Variants in CLEC16A observed in about 807,000 individuals in gnomAD.
CLEC16A encodes C-type lectin domain containing 16A.
CLEC16A carries 51 observed loss-of-function variants against 109.5 expected under a neutral mutation model. The ratio of observed to expected loss-of-function variants is 0.47; its 90% CI spans 0.37 to 0.59. CLEC16A has a LOEUF of 0.59. Ranked by LOEUF, CLEC16A falls within the 20% of genes least tolerant of loss-of-function variation. The pLI, the probability that CLEC16A is intolerant of heterozygous loss-of-function variation, is 0.00. For synonymous variants in CLEC16A, 673 were observed against 564.2 expected (o/e 1.19, Z -2.73); for missense variants, 1,339 against 1,394.0 (o/e 0.96, Z 0.63).
At chr16:11,096,309 C>G (rs991482881) in intron 19 of CLEC16A, among the ~76,000 whole-genome samples, 1 of 152,014 alleles carries the variant, frequency 6.6e-6, no homozygotes, top group Admixed American at 6.5e-5. Flanking sequence ...GGCATCACCG[C>G]ACTCCATCCT....
intron 2 of CLEC16A, among the ~76,000 whole-genome samples, chr16:10,959,699 T>G (rs1391877826): frequency 6.6e-6 from 1 of 151,810 alleles, no homozygotes; most frequent in Non-Finnish European, 1.5e-5. Context: ...GCTGGAATTT[T>G]TTTTTTTTAA....
At chr16:11,082,873 G>C (rs566359079) in intron 19 of CLEC16A, among the ~76,000 whole-genome samples, 1 of 152,160 alleles carries the variant, frequency 6.6e-6, no homozygotes, top group African/African-American at 2.4e-5. Flanking sequence ...AATTGTGGGA[G>C]CCCAGCTGTG....
rs542511354 is a variant in CLEC16A at position 11,125,568 on chromosome 16, G to A, written c.2474-411G>A. Among the ~76,000 whole-genome samples, 16 of 152,286 alleles carry A rather than the reference G, an allele frequency of 1.1e-4. No individual in the cohort carries two copies. In the East Asian group the frequency reaches 1.2e-3, roughly 11 times the overall value. The stretch of plus-strand genomic sequence containing the variant: ...TTTTCGCATGCTCCTGCACATGTGC[G>A]GATATACATACACACGTATACGTGT... On this transcript the variant is annotated intron_variant, in intron 21 of 23. Coordinates refer to ENST00000409790, the MANE Select transcript of CLEC16A (RefSeq NM_015226.3).
chr16:11,102,119 T>A (rs1285698856), intron 19 of CLEC16A, among the ~76,000 whole-genome samples: 1 of 152,122 alleles, frequency 6.6e-6, no homozygotes, highest in Non-Finnish European at 1.5e-5. Context: ...AGTTCATTTT[T>A]AAAAGAATTA....
At chr16:11,168,932 C>T (rs758902474) in intron 23 of CLEC16A, among the ~76,000 whole-genome samples, 1 of 152,206 alleles carries the variant, frequency 6.6e-6, no homozygotes, top group African/African-American at 2.4e-5. Context: ...CTGCGTGGCT[C>T]GCTCACCCAA....
chr16:11,122,838 C>G (rs1236775141), intron 20 of CLEC16A, among the ~76,000 whole-genome samples: 1 of 151,730 alleles, frequency 6.6e-6, no homozygotes, highest in Non-Finnish European at 1.5e-5. Context: ...CATTTATTCT[C>G]CACCTTTGAA....
intron 19 of CLEC16A, among the ~76,000 whole-genome samples, chr16:11,107,074 A>C (rs2051268457): frequency 6.6e-6 from 1 of 152,216 alleles, no homozygotes; most frequent in African/African-American, 2.4e-5. Context: ...GAGGCGGCAG[A>C]GGCCCGGACA....
chr16:11,083,656 T>C (rs1379539036), intron 19 of CLEC16A, among the ~76,000 whole-genome samples: 2 of 152,340 alleles, frequency 1.3e-5, no homozygotes, highest in East Asian at 3.9e-4. Context: ...TGTAATAATA[T>C]CTGCCAGTTT....
intron 11 of CLEC16A, among the ~76,000 whole-genome samples, chr16:11,005,130 T>A (rs866045818): frequency 6.6e-6 from 1 of 152,212 alleles, no homozygotes; most frequent in African/African-American, 2.4e-5. Flanking sequence ...AAGGATGCTC[T>A]CTAACCAGGC....
chr16:11,146,984 G>C (rs941699888), intron 22 of CLEC16A, among the ~76,000 whole-genome samples: 1 of 152,154 alleles, frequency 6.6e-6, no homozygotes, highest in Non-Finnish European at 1.5e-5. Flanking sequence ...TTAATGTCCA[G>C]TAAGGGGATC....
chr16:11,165,927 C>T (rs2068241704), intron 22 of CLEC16A, among the ~76,000 whole-genome samples: 1 of 152,220 alleles, frequency 6.6e-6, no homozygotes, highest in Non-Finnish European at 1.5e-5. Flanking sequence ...TGTCCTCCTG[C>T]CCGGGTGTGA....
intron 22 of CLEC16A, among the ~76,000 whole-genome samples, chr16:11,126,950 T>C (rs1290128951): frequency 1.3e-5 from 2 of 152,218 alleles, no homozygotes; most frequent in African/African-American, 2.4e-5. Context: ...AACGCAGCCA[T>C]AGGAACCTGC....
At chr16:11,065,960 T>C (rs1436446200) in intron 19 of CLEC16A, among the ~76,000 whole-genome samples, 2 of 152,324 alleles carry the variant, frequency 1.3e-5, no homozygotes, top group East Asian at 1.9e-4. Flanking sequence ...CTTCTAGAGC[T>C]GGCACTGCCT....
chr16:11,008,580 A>G (rs1038020522), intron 11 of CLEC16A, among the ~76,000 whole-genome samples: 1 of 152,004 alleles, frequency 6.6e-6, no homozygotes, highest in South Asian at 2.1e-4. Context: ...TTGGACAACA[A>G]GTGGAAAGAT....
intron 19 of CLEC16A, among the ~76,000 whole-genome samples, chr16:11,069,164 G>A (rs1329736033): frequency 6.6e-6 from 1 of 152,048 alleles, no homozygotes; most frequent in Non-Finnish European, 1.5e-5. Flanking sequence ...GTTTCACTCT[G>A]TTGCCCAGGA....
At chr16:11,068,411 G>C (rs1270870316) in intron 19 of CLEC16A, among the ~76,000 whole-genome samples, 1 of 152,184 alleles carries the variant, frequency 6.6e-6, no homozygotes, top group Non-Finnish European at 1.5e-5. Context: ...GACAGTGACA[G>C]TCTGTCCACG....
chr16:10,986,817 A>T (rs1041374190), intron 10 of CLEC16A, among the ~76,000 whole-genome samples: 2 of 150,374 alleles, frequency 1.3e-5, no homozygotes, highest in Non-Finnish European at 1.5e-5. Flanking sequence ...ATCCATCATT[A>T]TGCAGTTTTA....
At chr16:11,122,720 A>G (rs992195183) in intron 20 of CLEC16A, among the ~76,000 whole-genome samples, 3 of 151,962 alleles carry the variant, frequency 2.0e-5, no homozygotes, top group African/African-American at 7.3e-5. Context: ...ATTCCCTCTC[A>G]GGCTTTTATA....
chr16:11,098,592 A>G (rs2050737385), intron 19 of CLEC16A, among the ~76,000 whole-genome samples: 2 of 152,198 alleles, frequency 1.3e-5, no homozygotes, highest in South Asian at 4.1e-4. Context: ...TAGACCCTCC[A>G]GGGCCCTGCA....
Sources: gnomAD v4.1 joint callset for allele counts (sites outside exome capture counted in the v4.1 genomes callset) on GRCh38, gnomAD v4.1.1 for gene constraint, MANE v1.5 for transcripts, NCBI Gene and HGNC (gene_info 2026-07-23, HGNC 2026-07-21) for gene names.